The following HERC2 variants were observed in gnomAD, a reference collection of about 807,000 sequenced individuals.
HERC2 encodes the protein E3 ubiquitin-protein ligase HERC2.
HERC2 carries 102 observed loss-of-function variants against 537.7 expected under a neutral mutation model. The ratio of observed to expected loss-of-function variants is 0.19; its 90% CI spans 0.16 to 0.22. The LOEUF is 0.22. Ranked by LOEUF, HERC2 falls within the 10% of genes least tolerant of loss-of-function variation. The pLI is 1.00. For missense variants in HERC2, 4,236 were observed against 6,198.2 expected (o/e 0.68, Z 10.63); for synonymous variants, 2,224 against 2,466.2 (o/e 0.90, Z 2.91).
At chr15:28,136,641 A>C (rs1248999962) in intron 78 of HERC2, among the ~76,000 whole-genome samples, 6 of 152,250 alleles carry the variant, frequency 3.9e-5, no homozygotes, top group African/African-American at 1.2e-4. Flanking sequence ...ATTATGGCCC[A>C]TGTGCCAAAT....
chr15:28,164,802 C>T (rs1233264028), intron 68 of HERC2, among the ~76,000 whole-genome samples: 3 of 152,128 alleles, frequency 2.0e-5, no homozygotes, highest in African/African-American at 7.2e-5. Flanking sequence ...TTACCTAAAA[C>T]AAAAATGTTG....
chr15:28,163,131 G>T lies in HERC2; in HGVS notation c.10709C>A (p.Ser3570Tyr). 4 of 1,612,258 alleles carry T rather than the reference G, an allele frequency of 2.5e-6. No homozygotes were observed. The highest frequency in any genetic ancestry group is 3.4e-6 in the Non-Finnish European group (4 of 1,180,002). ...GGTCCCCATGCCGGAAAGCACCGCG[G>T]AGAGCACATCCCTGCCCCTGTCCCC... The part of the protein sequence containing the change: ...RAGDRGRDVL[S>Y]AVLSGMGTAY... Residue 3570 changes from serine (S) to tyrosine (Y), a missense_variant, in exon 69 of 93, where the codon TCC becomes TAC. Around this residue, in one of 27 missense-constraint regions of HERC2, gnomAD observed 356 missense variants for 450.9 expected, o/e 0.79. Coordinates refer to ENST00000261609, the MANE Select transcript of HERC2 (RefSeq NM_004667.6).
chr15:28,115,613 G>GAGAT, intron 88 of HERC2, 72 bp from the exon 89 acceptor site: 1 of 1,010,718 alleles, frequency 9.9e-7, no homozygotes, highest in Non-Finnish European at 1.5e-6. Context: ...ACTCACACAC[G>GAGAT]CCACTGACAG....
In HERC2 at chr15:28,215,682, G is replaced by A. The variant is rs140060040; in HGVS notation, c.6149C>T (p.Thr2050Met). ...CCCTTCCACGACCTTCATGAGCAGC[G>A]TGATCCACTGCGGGGAGCTGAGGGC... Reference protein sequence around the residue: ...CGALSSPQWITLLMKVVEGHA... With the variant: ...CGALSSPQWIMLLMKVVEGHA... Residue 2050 changes from threonine (T) to methionine (M), a missense_variant, in exon 39 of 93, where the codon ACG becomes ATG. This residue lies in a region of HERC2 where 365 missense variants were observed against 468.8 expected (regional missense o/e 0.78). Coordinates refer to ENST00000261609, the MANE Select transcript of HERC2 (RefSeq NM_004667.6). The A allele has an allele frequency of 5.0e-5, 81 of 1,611,866 alleles. No homozygotes were observed. Among genetic ancestry groups the A allele is most frequent in the South Asian group, 1.3e-4 (12 of 90,986 alleles).
chr15:28,151,019 G>A (rs1409333920), intron 70 of HERC2, among the ~76,000 whole-genome samples: 2 of 152,140 alleles, frequency 1.3e-5, no homozygotes, highest in African/African-American at 4.8e-5. Context: ...AGAAAGTATA[G>A]TATGTAACAG....
At chr15:28,180,505 G>A (rs1596144180) in intron 57 of HERC2, among the ~76,000 whole-genome samples, 1 of 152,352 alleles carries the variant, frequency 6.6e-6, no homozygotes, top group East Asian at 1.9e-4. Flanking sequence ...GATACACTGT[G>A]ATTGACTTTA....
chr15:28,213,881 C>T lies in HERC2; in HGVS notation c.6647G>A (p.Arg2216His), dbSNP rs763055552. Residue 2216 changes from arginine (R) to histidine (H), a missense_variant, in exon 42 of 93, where the codon CGC (arginine) becomes CAC (histidine). By Grantham distance (29) the Arg-to-His change is conservative. Transcript: ENST00000261609. ...VLAVIGGIDG[R>H]LRLGGQVMHD... ...CATAACTTGACCGCCCAGGCGCAGG[C>T]GACCATCGATGCCTCCAATCACAGC... 4 of 1,614,052 alleles carry T rather than the reference C, an allele frequency of 2.5e-6. No individual in the cohort carries two copies. Among genetic ancestry groups the T allele is most frequent in the South Asian group, 1.1e-5 (1 of 91,054 alleles).
In HERC2 at chr15:28,167,764, C is replaced by T. The variant is rs756107939; in HGVS notation, c.10477G>A (p.Ala3493Thr). The part of the protein sequence containing the change: ...AVTPSAPSAS[A>T]RPFIPVTDDL... ...TCCGTCACTGGGATAAAAGGCCGAG[C>T]GGAGGCTGAGGGGGCCGACGGAGTC... Residue 3493 changes from alanine to threonine, a missense_variant, in exon 68 of 93, where the codon GCT becomes ACT. By Grantham distance (58) the Ala-to-Thr change is moderately conservative. Transcript: ENST00000261609. The T allele has an allele frequency of 5.6e-6, 9 of 1,614,018 alleles. No homozygotes were observed. Among genetic ancestry groups the T allele is most frequent in the Admixed American group, 5.0e-5 (3 of 59,996 alleles).
rs565449204 is a variant in HERC2, at chr15:28,224,999, G to A, written c.5465-2784C>T. On this transcript the variant is annotated intron_variant, in intron 35 of 92. Transcript: ENST00000261609. ...TGCTGCGCCAAAAGCAGGGATGAAG[G>A]GGCAATTATACTATGAAAGTCTGCA... 7.2e-4 allele frequency among the ~76,000 whole-genome samples: 109 copies of A among 152,278 alleles called. 3 individuals are homozygous for A. The highest frequency in any genetic ancestry group is 4.6e-3 in the South Asian group (22 of 4,826).
Position 28,175,376 on chromosome 15 carries a change from CTCATGGTT to C in HERC2, c.9831+128_9831+135del, listed in dbSNP as rs1895169824. ...GTGGGCAAAAGGAACAGGACCCGCC[CTCATGGTT>C]CTCCAAGCAGTAAGACTCAGCTGAT... On this transcript the variant is annotated intron_variant, in intron 64 of 92. Transcript: ENST00000261609. 1.9e-5 allele frequency: 17 copies of C among 874,774 alleles called. No homozygotes were observed. In the South Asian group the frequency reaches 2.8e-4, roughly 14 times the overall value. The allele number at this position is 874,774 out of a possible 1,614,324, so 54.2% of individuals were successfully genotyped here. A position where few individuals can be genotyped will look rare whatever the true frequency, so the allele number is the denominator to read the frequency against.
chr15:28,244,903 AC>A (rs1246177113), intron 23 of HERC2, among the ~76,000 whole-genome samples: 1 of 152,166 alleles, frequency 6.6e-6, no homozygotes, highest in East Asian at 1.9e-4. Context: ...TCAAAGTTTA[AC>A]CCTGATTTTG....
At chr15:28,313,406 C>G (rs1481112467) in intron 2 of HERC2, among the ~76,000 whole-genome samples, 1 of 152,168 alleles carries the variant, frequency 6.6e-6, no homozygotes, top group African/African-American at 2.4e-5. Flanking sequence ...GTCTCGACCT[C>G]CTGACCTTGT....
At position 28,163,437 on chromosome 15, in the gene HERC2, G is replaced by A. The variant is rs183179528; in HGVS notation, c.10555-152C>T. Reference sequence around the variant, plus strand: ...GACCTTAAGAAACAGATTAAGAAACGACGGCCCCTAAAATCTCCACCAAGC... The same window carrying A: ...GACCTTAAGAAACAGATTAAGAAACAACGGCCCCTAAAATCTCCACCAAGC... On this transcript the variant is annotated intron_variant, in intron 68 of 92. Transcript: ENST00000261609. 1.7e-4 allele frequency: 109 copies of A among 657,548 alleles called. No individual in the cohort carries two copies. In the Middle Eastern group the frequency reaches 4.5e-3, roughly 27 times the overall value. The allele number at this position is 657,548 out of a possible 1,614,324, so 40.7% of individuals were successfully genotyped here.
intron 3 of HERC2, among the ~76,000 whole-genome samples, chr15:28,296,407 T>G (rs560549845): frequency 6.6e-6 from 1 of 152,020 alleles, no homozygotes; most frequent in Non-Finnish European, 1.5e-5. Context: ...GGGGAGGCAG[T>G]GGTTGCAGTG....
intron 38 of HERC2, among the ~76,000 whole-genome samples, chr15:28,218,057 G>A (rs1020109753): frequency 5.3e-5 from 8 of 151,840 alleles, no homozygotes; most frequent in Non-Finnish European, 8.8e-5. Context: ...CTCGGCAGGT[G>A]ACCTTGTTTG....
intron 4 of HERC2, among the ~76,000 whole-genome samples, chr15:28,281,802 C>G (rs951163892): frequency 1.3e-5 from 2 of 152,168 alleles, no homozygotes; most frequent in Non-Finnish European, 2.9e-5. Context: ...CCCCACCGAG[C>G]CACCCTTCAG....
intron 56 of HERC2, among the ~76,000 whole-genome samples, 178 bp from the exon 57 acceptor site, chr15:28,182,690 G>A (rs1895940283): frequency 6.6e-6 from 1 of 152,072 alleles, no homozygotes. Flanking sequence ...AAGTCCTCTG[G>A]AGGGTCAAAT....
chr15:28,148,204 C>G (rs1336404162), intron 70 of HERC2, among the ~76,000 whole-genome samples: 1 of 151,996 alleles, frequency 6.6e-6, no homozygotes, highest in East Asian at 1.9e-4. Context: ...CCACATAAAT[C>G]AGACTTACAA....
At chr15:28,308,696 C>T (rs553580683) in intron 2 of HERC2, among the ~76,000 whole-genome samples, 13 of 152,270 alleles carry the variant, frequency 8.5e-5, no homozygotes, top group South Asian at 4.1e-4. Flanking sequence ...CTGTCATATA[C>T]GGCTTTTATT....
Sources: gnomAD v4.1 joint callset for allele counts (sites outside exome capture counted in the v4.1 genomes callset) on GRCh38, gnomAD v4.1.1 for gene constraint, gnomAD v4.1.1 regional missense constraint, MANE v1.5 for transcripts, NCBI Gene and HGNC (gene_info 2026-07-23, HGNC 2026-07-21) for gene names.